NREP: variants seen among roughly 807,000 people sequenced by gnomAD.
NREP encodes neuronal regeneration-related protein.
A neutral mutation model predicts 8.6 loss-of-function variants in NREP; 5 were observed. The ratio of observed to expected loss-of-function variants is 0.58; its 90% CI spans 0.30 to 1.22. The LOEUF (loss-of-function observed/expected upper bound fraction) is 1.22, where lower values mean the gene tolerates loss of function less well. Among genes scored for constraint, NREP ranks in the 50% most tolerant of loss-of-function variants. The pLI, the probability that NREP is intolerant of heterozygous loss-of-function variation, is 0.07. For synonymous variants in NREP, 27 were observed against 28.0 expected, an observed-to-expected ratio of 0.96 and a Z score of 0.11; for missense variants, 86 against 82.5, an observed-to-expected ratio of 1.04 and a Z score of -0.17.
intron 1 of NREP, among the ~76,000 whole-genome samples, chr5:111,975,657 A>G (rs1035546186): frequency 6.6e-6 from 1 of 152,224 alleles, no homozygotes; most frequent in East Asian, 1.9e-4. Context: ...ATGCATACAT[A>G]TTACATAGAA....
upstream of NREP, chr5:111,758,061 T>C (rs1363293397): frequency 3.0e-6 from 3 of 985,450 alleles, no homozygotes; most frequent in Non-Finnish European, 3.6e-6. Flanking sequence ...GGAGCCGCGC[T>C]CAGACACACA....
chr5:111,756,761 AAG>A (rs1223395242), intron 1 of NREP, among the ~76,000 whole-genome samples: 1 of 152,192 alleles, frequency 6.6e-6, no homozygotes, highest in African/African-American at 2.4e-5. Context: ...ATTTTATAAA[AAG>A]GGAGGAAAAG....
chr5:111,764,457 G>A lies in NREP; in HGVS notation c.136-28950C>T, dbSNP rs113171744. Among the ~76,000 whole-genome samples, 901 of 152,296 alleles carry A rather than the reference G, an allele frequency of 5.9e-3. 2 individuals are homozygous for A. Among genetic ancestry groups the A allele is most frequent in the African/African-American group, 0.02 (847 of 41,548 alleles). ...CAAGAAGGAGCAAGTCACATCTTACGTGGATGGCAGCAGGCAAAGAGAGAG... is the reference window on the plus strand; with the variant it reads ...CAAGAAGGAGCAAGTCACATCTTACATGGATGGCAGCAGGCAAAGAGAGAG... On this transcript the variant is annotated intron_variant, in intron 2 of 3. Transcript: ENST00000395634.
At chr5:111,893,570 C>T (rs1036027307) in intron 2 of NREP, among the ~76,000 whole-genome samples, 4 of 151,142 alleles carry the variant, frequency 2.6e-5, no homozygotes, top group Non-Finnish European at 5.9e-5. Context: ...AATAGAAATT[C>T]AAGGCCAAAT....
intron 2 of NREP, among the ~76,000 whole-genome samples, chr5:111,846,726 T>A (rs536417967): frequency 6.6e-6 from 1 of 152,308 alleles, no homozygotes; most frequent in East Asian, 1.9e-4. Flanking sequence ...ATGCTCTGCA[T>A]CTGTCTGGCT....
chr5:111,928,961 T>A (rs2112594301), intron 2 of NREP, among the ~76,000 whole-genome samples: 1 of 152,204 alleles, frequency 6.6e-6, no homozygotes, highest in East Asian at 1.9e-4. Context: ...AAATCAGTAA[T>A]CTTTAAATTA....
chr5:111,895,082 T>C (rs552014038), intron 2 of NREP, among the ~76,000 whole-genome samples: 1 of 152,320 alleles, frequency 6.6e-6, no homozygotes, highest in Non-Finnish European at 1.5e-5. Context: ...ATTGACAAAA[T>C]AGTTGTTTTA....
At chr5:111,813,539 AT>A (rs553165760) in intron 2 of NREP, among the ~76,000 whole-genome samples, 2 of 151,800 alleles carry the variant, frequency 1.3e-5, no homozygotes, top group African/African-American at 2.4e-5. Flanking sequence ...CCTCCTATAT[AT>A]TTTTTCTTCT....
At chr5:111,950,946 C>T (rs1022705070) in intron 2 of NREP, among the ~76,000 whole-genome samples, 3 of 152,048 alleles carry the variant, frequency 2.0e-5, no homozygotes, top group East Asian at 1.9e-4. Flanking sequence ...GTGCAATTGA[C>T]GTCTCCTATT....
chr5:111,855,135 G>A (rs1378515446), intron 2 of NREP, among the ~76,000 whole-genome samples: 1 of 152,070 alleles, frequency 6.6e-6, no homozygotes, highest in Non-Finnish European at 1.5e-5. Context: ...GTATTAAATT[G>A]TTCCAGAAAG....
At chr5:111,873,598 T>C (rs1052257882) in intron 2 of NREP, among the ~76,000 whole-genome samples, 11 of 152,202 alleles carry the variant, frequency 7.2e-5, no homozygotes, top group Admixed American at 6.5e-4. Context: ...AAGCAAGCAA[T>C]GACTGGTCAA....
At chr5:111,958,067 A>G (rs1441067055) in intron 2 of NREP, among the ~76,000 whole-genome samples, 1 of 151,954 alleles carries the variant, frequency 6.6e-6, no homozygotes. Context: ...TGAAATAACA[A>G]ACTTTAGAAG....
chr5:111,744,156 T>C (rs1262197306), intron 2 of NREP, among the ~76,000 whole-genome samples: 1 of 152,088 alleles, frequency 6.6e-6, no homozygotes, highest in Admixed American at 6.6e-5. Flanking sequence ...GAAGTGCTCA[T>C]TCCAAAAGAA....
At chr5:111,848,574 ATGCACAAATAAGCT>A (rs1246692654) in intron 2 of NREP, among the ~76,000 whole-genome samples, 1 of 152,134 alleles carries the variant, frequency 6.6e-6, no homozygotes, top group Non-Finnish European at 1.5e-5. Flanking sequence ...TGCCATGGTA[ATGCACAAATAAGCT>A]TTTACAGCTC....
At chr5:111,759,911 A>C (rs969457297), upstream of NREP, among the ~76,000 whole-genome samples, 7 of 152,200 alleles carry the variant, frequency 4.6e-5, no homozygotes, top group Non-Finnish European at 8.8e-5. Flanking sequence ...GATAAAGGCC[A>C]TATTTTGCCA....
At chr5:111,965,926 T>C (rs1349254667) in intron 2 of NREP, among the ~76,000 whole-genome samples, 1 of 151,958 alleles carries the variant, frequency 6.6e-6, no homozygotes, top group African/African-American at 2.4e-5. Flanking sequence ...ATGAGGAGGA[T>C]GTACAGTTGA....
At chr5:111,734,937 CTAAGA>C in intron 3 of NREP, 1 of 431,944 alleles carries the variant, frequency 2.3e-6, no homozygotes, top group Non-Finnish European at 4.1e-6. Context: ...ACTGCCACAC[CTAAGA>C]TGTCAGAACA....
At chr5:111,943,655 G>A (rs1755893824) in intron 2 of NREP, among the ~76,000 whole-genome samples, 6 of 152,066 alleles carry the variant, frequency 3.9e-5, no homozygotes. Flanking sequence ...ACCTCAATGG[G>A]TTAAATGCTG....
At chr5:111,872,983 A>G (rs920686809) in intron 2 of NREP, among the ~76,000 whole-genome samples, 2 of 152,180 alleles carry the variant, frequency 1.3e-5, no homozygotes, top group Non-Finnish European at 2.9e-5. Context: ...TCTCAGGGAT[A>G]AGGCATTCCC....
Sources: allele counts gnomAD v4.1 joint callset (sites outside exome capture counted in the v4.1 genomes callset), GRCh38; gene constraint gnomAD v4.1.1; transcripts MANE v1.5; gene names NCBI Gene and HGNC (gene_info 2026-07-23, HGNC 2026-07-21).